Variants in DRG2 observed in about 807,000 individuals in gnomAD.
DRG2 encodes developmentally-regulated GTP-binding protein 2.
A neutral mutation model predicts 53.4 loss-of-function variants in DRG2; 36 were observed. That is an observed-to-expected ratio of 0.67 (90% confidence interval 0.52 to 0.89). The LOEUF (loss-of-function observed/expected upper bound fraction) is 0.89. Ranked by LOEUF, DRG2 falls within the 40% of genes least tolerant of loss-of-function variation. DRG2 has a pLI of 0.00. For synonymous variants in DRG2, 167 were observed against 192.1 expected, an observed-to-expected ratio of 0.87 and a Z score of 1.08; for missense variants, 342 against 481.2, an observed-to-expected ratio of 0.71 and a Z score of 2.71.
chr17:18,093,682 T>A, intron 1 of DRG2, 131 bp from the exon 2 acceptor site: 4 of 1,075,684 alleles, frequency 3.7e-6, no homozygotes, highest in East Asian at 5.1e-5. Context: ...CAGAGAGATT[T>A]TTTTTTTTTC....
At position 18,099,625 on chromosome 17, in the gene DRG2, C is replaced by A; in HGVS notation, c.377-8C>A. On this transcript the variant is annotated splice_region_variant and splice_polypyrimidine_tract_variant and intron_variant, in intron 4 of 12. Transcript: ENST00000225729. This position sits in a 1 kb window ranked among gnomAD's most constrained non-coding sequence, Gnocchi z 4.4. ...ACATATGTAACTGCATCCCTCACAC[C>A]CATCCAGGAAAAGGCCGTGGCCGGC... The A allele has an allele frequency of 6.3e-7, 1 of 1,599,746 alleles. No individual in the cohort carries two copies. Among genetic ancestry groups the A allele is most frequent in the South Asian group, 1.1e-5 (1 of 88,078 alleles).
At chr17:18,104,742 G>C in intron 11 of DRG2, 61 bp downstream of exon 11, 3 of 1,611,914 alleles carry the variant, frequency 1.9e-6, no homozygotes, top group South Asian at 1.1e-5. Context: ...TTGGGGCTCT[G>C]TTCTGCCTGA....
At chr17:18,101,378 A>T in intron 7 of DRG2, 115 bp from the exon 8 acceptor site, 1 of 914,758 alleles carries the variant, frequency 1.1e-6, no homozygotes. Flanking sequence ...TCACAAGCAG[A>T]TACCGCCACG....
At chr17:18,101,698 C>CCCTCACCTCA (rs1024219974) in intron 8 of DRG2, 108 bp downstream of exon 8, 9 of 1,185,622 alleles carry the variant, frequency 7.6e-6, no homozygotes, top group Middle Eastern at 1.9e-4. Context: ...TGAGGCTCTC[C>CCCTCACCTCA]CCTCACCTCA....
rs2045513440 is a variant in DRG2, at chr17:18,100,545, C to T, written c.541-24C>T. On this transcript the variant is annotated intron_variant, in intron 6 of 12. Coordinates refer to ENST00000225729, the MANE Select transcript of DRG2 (RefSeq NM_001388.5). The surrounding 1 kb of genome is among the most constrained non-coding windows in gnomAD (Gnocchi z 4.1). ...CTGTGACCCCTCGGTCAGCAGTTCT[C>T]CCCATCCCTTTCTCCTCTTTCAGCC... The T allele has an allele frequency of 6.2e-7, 1 of 1,613,950 alleles. No individual in the cohort carries two copies. The highest frequency in any genetic ancestry group is 1.3e-5 in the African/African-American group (1 of 75,048).
At chr17:18,094,064 G>C (rs2045385116) in intron 2 of DRG2, 91 bp downstream of exon 2, 2 of 1,515,080 alleles carry the variant, frequency 1.3e-6, no homozygotes, top group Non-Finnish European at 1.8e-6. Context: ...CTGCCTTTCT[G>C]CTTAGCTCCA....
Position 18,100,485 on chromosome 17 carries a change from T to A in DRG2, c.540+50T>A. 2 of 1,613,906 alleles carry A rather than the reference T, an allele frequency of 1.2e-6. No individual in the cohort carries two copies. Among genetic ancestry groups the A allele is most frequent in the South Asian group, 2.2e-5 (2 of 91,086 alleles). On this transcript the variant is annotated intron_variant, in intron 6 of 12. Transcript: ENST00000225729. The surrounding 1 kb of genome is among the most constrained non-coding windows in gnomAD (Gnocchi z 4.1). ...GCCAGGGGTGTGGCAGTTTTGAGAC[T>A]GCATTGGCTGGCGGCTGAGGCTGTG...
intron 9 of DRG2, 34 bp downstream of exon 9, chr17:18,102,031 C>T: frequency 6.3e-7 from 1 of 1,594,024 alleles, no homozygotes; most frequent in Non-Finnish European, 8.6e-7. Flanking sequence ...CTCTGCTGTC[C>T]TTGCTGTGGG....
At chr17:18,104,358 G>A (rs2045590308) in intron 10 of DRG2, among the ~76,000 whole-genome samples, 1 of 152,200 alleles carries the variant, frequency 6.6e-6, no homozygotes. Flanking sequence ...CCAGGTCCTG[G>A]TCTCTGTCAG....
Position 18,099,478 on chromosome 17 carries a change from A to C in DRG2, c.377-155A>C. 1 of 763,960 alleles carries C rather than the reference A, an allele frequency of 1.3e-6. No homozygotes were observed. Among genetic ancestry groups the C allele is most frequent in the Non-Finnish European group, 2.2e-6 (1 of 446,096 alleles). The allele number at this position is 763,960 out of a possible 1,614,324, so 47.3% of individuals were successfully genotyped here. A position where few individuals can be genotyped will look rare whatever the true frequency, so the allele number is the denominator to read the frequency against. On this transcript the variant is annotated intron_variant, in intron 4 of 12. Transcript: ENST00000225729. The surrounding 1 kb of genome is among the most constrained non-coding windows in gnomAD (Gnocchi z 4.4). ...TTTTCTTCTGAAATAAGTCTCCGTC[A>C]GTAAAACATGTGGATTAAAGAAAAA... is the stretch of plus-strand genomic sequence containing the variant.
chr17:18,102,914 T>C (rs1408942902), intron 9 of DRG2, among the ~76,000 whole-genome samples: 1 of 152,204 alleles, frequency 6.6e-6, no homozygotes, highest in Non-Finnish European at 1.5e-5. Flanking sequence ...TGCTCCACTT[T>C]GCTGGTTTCC....
Position 18,103,631 on chromosome 17 carries a change from A to G in DRG2, c.807-170A>G, listed in dbSNP as rs2045577036. ...GTGACCATGATTGGTGCCCAGAGGCACTGGCAGCAGAAACATCAGGCTGCC... is the reference window on the plus strand; with the variant it reads ...GTGACCATGATTGGTGCCCAGAGGCGCTGGCAGCAGAAACATCAGGCTGCC... On this transcript the variant is annotated intron_variant, in intron 9 of 12. Coordinates refer to ENST00000225729, the MANE Select transcript of DRG2 (RefSeq NM_001388.5). The surrounding 1 kb of genome is among the most constrained non-coding windows in gnomAD (Gnocchi z 4.4). Among the ~76,000 whole-genome samples the G allele has an allele frequency of 6.6e-6, 1 of 152,108 alleles. No homozygotes were observed. Among genetic ancestry groups the G allele is most frequent in the Non-Finnish European group, 1.5e-5 (1 of 68,008 alleles).
chr17:18,100,092 G>T lies in DRG2; in HGVS notation c.468-271G>T. On this transcript the variant is annotated intron_variant, in intron 5 of 12. Transcript: ENST00000225729. The surrounding 1 kb of genome is among the most constrained non-coding windows in gnomAD (Gnocchi z 4.1). ...AGGCCTGCCTCCTCGGGACCAGAAG[G>T]AGTACCCTCATGTGGTCACCTCGCG... 1 of 582,722 alleles carries T rather than the reference G, an allele frequency of 1.7e-6. No homozygotes were observed. The highest frequency in any genetic ancestry group is 3.1e-6 in the Non-Finnish European group (1 of 326,564). 36.1% of individuals were successfully genotyped at this position (582,722 alleles called of 1,614,324 possible).
In DRG2 at chr17:18,099,445, G is replaced by A. The variant is rs1383911615; in HGVS notation, c.377-188G>A. ...TCCTGTTACTCCTTTTATGATGGTGGTGTCGGATTTTCTTCTGAAATAAGT... is the reference window on the plus strand; with the variant it reads ...TCCTGTTACTCCTTTTATGATGGTGATGTCGGATTTTCTTCTGAAATAAGT... On this transcript the variant is annotated intron_variant, in intron 4 of 12. Coordinates refer to ENST00000225729, the MANE Select transcript of DRG2 (RefSeq NM_001388.5). This position sits in a 1 kb window ranked among gnomAD's most constrained non-coding sequence, Gnocchi z 4.4. 6.0e-6 allele frequency: 4 copies of A among 669,458 alleles called. No homozygotes were observed. The highest frequency in any genetic ancestry group is 3.6e-5 in the African/African-American group (2 of 56,088). 41.5% of individuals were successfully genotyped at this position (669,458 alleles called of 1,614,324 possible). A position where few individuals can be genotyped will look rare whatever the true frequency, so the allele number is the denominator to read the frequency against.
In DRG2 at chr17:18,100,514, C is replaced by T. The variant is rs2045512939; in HGVS notation, c.541-55C>T. 6.2e-7 allele frequency: 1 copy of T among 1,613,292 alleles called. No homozygotes were observed. The highest frequency in any genetic ancestry group is 1.7e-5 in the Admixed American group (1 of 60,022). On this transcript the variant is annotated intron_variant, in intron 6 of 12. Coordinates refer to ENST00000225729, the MANE Select transcript of DRG2 (RefSeq NM_001388.5). This position sits in a 1 kb window ranked among gnomAD's most constrained non-coding sequence, Gnocchi z 4.1. ...TTGGCTGGCGGCTGAGGCTGTGGGA[C>T]CATTGCTGTGACCCCTCGGTCAGCA...
chr17:18,098,918 C>T lies in DRG2; in HGVS notation c.316-99C>T. The T allele has an allele frequency of 1.4e-6, 2 of 1,402,566 alleles. No homozygotes were observed. Among genetic ancestry groups the T allele is most frequent in the Admixed American group, 1.8e-5 (1 of 55,486 alleles). 86.9% of individuals were successfully genotyped at this position (1,402,566 alleles called of 1,614,324 possible). ...GGTTGGCATCTGGGTTTCCCTCAGC[C>T]CCTGAGCCCCGGGGCCATTCCAGAT... On this transcript the variant is annotated intron_variant, in intron 3 of 12. Coordinates refer to ENST00000225729, the MANE Select transcript of DRG2 (RefSeq NM_001388.5). The surrounding 1 kb of genome is among the most constrained non-coding windows in gnomAD (Gnocchi z 4.1).
chr17:18,105,714 C>T (rs2056842), intron 11 of DRG2: 67,188 of 152,232 alleles, frequency 0.44, 16,060 homozygotes, highest in South Asian at 0.7. Context: ...GGCCTGGCGC[C>T]GGCCTCCGCC....
chr17:18,101,937 A>G lies in DRG2; in HGVS notation c.746A>G (p.Asp249Gly). The change falls in exon 9 of 13, where the codon GAC (aspartate) becomes GGC (glycine). Residue 249 changes from aspartate to glycine, a missense_variant. Asp to Gly is a moderately conservative substitution (Grantham distance 94). Transcript: ENST00000225729. ...MPCLYVYNKIDQISMEEVDRL... is the reference protein window; with the variant it reads ...MPCLYVYNKIGQISMEEVDRL... Reference sequence around the variant, plus strand: ...CAATCTCAGGTTTATAACAAAATCGACCAGATCTCCATGGAAGAGGTGGAC... The same window carrying G: ...CAATCTCAGGTTTATAACAAAATCGGCCAGATCTCCATGGAAGAGGTGGAC... 1 of 1,612,480 alleles carries G rather than the reference A, an allele frequency of 6.2e-7. No individual in the cohort carries two copies. Among genetic ancestry groups the G allele is most frequent in the Non-Finnish European group, 8.5e-7 (1 of 1,179,180 alleles).
rs1567602826 is a variant in DRG2 at position 18,099,230 on chromosome 17, A to G, written c.376+153A>G. 2.0e-6 allele frequency: 2 copies of G among 986,502 alleles called. No individual in the cohort carries two copies. Among genetic ancestry groups the G allele is most frequent in the Non-Finnish European group, 3.0e-6 (2 of 670,682 alleles). 61.1% of individuals were successfully genotyped at this position (986,502 alleles called of 1,614,324 possible). A position where few individuals can be genotyped will look rare whatever the true frequency, so the allele number is the denominator to read the frequency against. On this transcript the variant is annotated intron_variant, in intron 4 of 12. Coordinates refer to ENST00000225729, the MANE Select transcript of DRG2 (RefSeq NM_001388.5). This position sits in a 1 kb window ranked among gnomAD's most constrained non-coding sequence, Gnocchi z 4.4. ...GTTCCAGTTCAAATCCTTGGCACCAAACTAGCCTTGTGATCTTGGGCAAGT... is the reference window on the plus strand; with the variant it reads ...GTTCCAGTTCAAATCCTTGGCACCAGACTAGCCTTGTGATCTTGGGCAAGT...
Sources: gnomAD v4.1 joint callset for allele counts (sites outside exome capture counted in the v4.1 genomes callset) on GRCh38, gnomAD v4.1.1 for gene constraint, Gnocchi (gnomAD v3.1) non-coding constraint, MANE v1.5 for transcripts, NCBI Gene and HGNC (gene_info 2026-07-23, HGNC 2026-07-21) for gene names.